Variants in RAB3IP observed in about 807,000 individuals in gnomAD.
RAB3IP encodes the protein RAB3A interacting protein.
In RAB3IP, 36 loss-of-function variants were observed where a neutral mutation model predicts 59.1. The observed-to-expected ratio is 0.61, with a 90% CI of 0.47 to 0.80. RAB3IP has a LOEUF of 0.80. Among genes scored for constraint, RAB3IP ranks in the 30% least tolerant of loss-of-function variants. RAB3IP has a pLI of 0.00. For synonymous variants in RAB3IP, 207 were observed against 191.2 expected (o/e 1.08, Z -0.68); for missense variants, 511 against 536.0 (o/e 0.95, Z 0.46).
rs1881450764 is a variant in RAB3IP at position 69,819,227 on chromosome 12, A to C, written c.*3781A>C. 1 of 152,210 alleles carries C rather than the reference A, an allele frequency of 6.6e-6. No individual in the cohort carries two copies. The highest frequency in any genetic ancestry group is 6.5e-5 in the Admixed American group (1 of 15,282). The allele number at this position is 152,210 out of a possible 1,614,324, so 9.4% of individuals were successfully genotyped here. ...CCAAAACAAAAAATAAAAGGTAAGA[A>C]AATTGTTGAATTGCATTTGAGAGAG... On this transcript the variant is annotated 3_prime_UTR_variant, in exon 11 of 11. Transcript: ENST00000247833.
intron 4 of RAB3IP, among the ~76,000 whole-genome samples, chr12:69,785,865 T>C (rs2136207643): frequency 6.6e-6 from 1 of 152,318 alleles, no homozygotes; most frequent in African/African-American, 2.4e-5. Context: ...AGCATACAGA[T>C]ACCCCTGGGG....
At chr12:69,758,799 T>C (rs1222632124) in intron 3 of RAB3IP, among the ~76,000 whole-genome samples, 1 of 150,232 alleles carries the variant, frequency 6.7e-6, no homozygotes, top group East Asian at 1.9e-4. Flanking sequence ...TTACTTTTAT[T>C]TTTGAATGAT....
At chr12:69,769,399 G>A (rs1872743513) in intron 3 of RAB3IP, among the ~76,000 whole-genome samples, 1 of 152,158 alleles carries the variant, frequency 6.6e-6, no homozygotes, top group African/African-American at 2.4e-5. Context: ...AGCCAGGATA[G>A]GGAACCCCAG....
chr12:69,779,379 G>C lies in RAB3IP; in HGVS notation c.511-5341G>C, dbSNP rs535569092. Among the ~76,000 whole-genome samples, 13 of 151,324 alleles carry C rather than the reference G, an allele frequency of 8.6e-5. No individual in the cohort carries two copies. The South Asian group carries it at 2.5e-3, about 29-fold the overall frequency. On this transcript the variant is annotated intron_variant, in intron 3 of 10. Transcript: ENST00000247833. Reference sequence around the variant, plus strand: ...AATGCAGAAATCACCCGTCTTCTGCGTCGCTCACGCTGGTAGCTGTAGACC... The same window carrying C: ...AATGCAGAAATCACCCGTCTTCTGCCTCGCTCACGCTGGTAGCTGTAGACC...
chr12:69,805,169 C>T (rs1015205060), intron 8 of RAB3IP, among the ~76,000 whole-genome samples: 4 of 152,160 alleles, frequency 2.6e-5, no homozygotes, highest in African/African-American at 9.7e-5. Flanking sequence ...TCTTTTATTT[C>T]ATTGAGCAGT....
chr12:69,763,780 C>T (rs1161655195), intron 3 of RAB3IP, among the ~76,000 whole-genome samples: 2 of 152,052 alleles, frequency 1.3e-5, no homozygotes, highest in East Asian at 1.9e-4. Context: ...GTCTAGTAGT[C>T]CCCAGTTTCT....
chr12:69,790,641 AT>A (rs1185529002), intron 4 of RAB3IP, among the ~76,000 whole-genome samples: 1 of 151,922 alleles, frequency 6.6e-6, no homozygotes, highest in Non-Finnish European at 1.5e-5. Flanking sequence ...CTGGAGTGCA[AT>A]GGTGCGATCT....
At chr12:69,797,477 C>CTTTTTTTTTTTTTTTTTT in intron 6 of RAB3IP, among the ~76,000 whole-genome samples, 4 of 54,952 alleles carry the variant, frequency 7.3e-5, no homozygotes, top group African/African-American at 3.6e-4. Context: ...TCTTTTCTTT[C>CTTTTTTTTTTTTTTTTTT]TTTTTTTTTT....
intron 8 of RAB3IP, among the ~76,000 whole-genome samples, chr12:69,806,247 T>G (rs528689138): frequency 4.2e-4 from 64 of 152,328 alleles, no homozygotes; most frequent in African/African-American, 1.2e-3. Context: ...GTCGAGGAAT[T>G]TATCCATTTC....
At chr12:69,747,325 TGTGTGTGA>T (rs68107805) in intron 1 of RAB3IP, among the ~76,000 whole-genome samples, 27,375 of 145,986 alleles carry the variant, frequency 0.19, 2,988 homozygotes, top group Middle Eastern at 0.29. Context: ...TGTGTGTGTG[TGTGTGTGA>T]GAGAGAGAGA....
intron 3 of RAB3IP, among the ~76,000 whole-genome samples, chr12:69,782,259 G>A (rs1469279994): frequency 1.3e-5 from 2 of 152,142 alleles, no homozygotes; most frequent in African/African-American, 4.8e-5. Flanking sequence ...CCACCTCCCG[G>A]GTTCAAGTGA....
chr12:69,746,080 A>G (rs1055044868), intron 1 of RAB3IP, among the ~76,000 whole-genome samples: 3 of 152,188 alleles, frequency 2.0e-5, no homozygotes, highest in South Asian at 2.1e-4. Context: ...CCATACGTAT[A>G]TATGCCTCCA....
Position 69,813,147 on chromosome 12 carries a change from G to A in RAB3IP, c.1300+114G>A, listed in dbSNP as rs552421197. The A allele has an allele frequency of 1.2e-4, 86 of 713,320 alleles. No homozygotes were observed. The African/African-American group carries it at 1.5e-3, about 12-fold the overall frequency. The allele number at this position is 713,320 out of a possible 1,614,324, so 44.2% of individuals were successfully genotyped here. On this transcript the variant is annotated intron_variant, in intron 10 of 10. Coordinates refer to ENST00000247833, the MANE Select transcript of RAB3IP (RefSeq NM_022456.5). ...AATGCTCATATCAGCTTTATTGTTG[G>A]TACATTTATATTGAATCCCTTCTAT... is the stretch of plus-strand genomic sequence containing the variant.
chr12:69,769,871 A>C (rs1057390046), intron 3 of RAB3IP, among the ~76,000 whole-genome samples: 1 of 152,214 alleles, frequency 6.6e-6, no homozygotes, highest in Non-Finnish European at 1.5e-5. Context: ...GCTAGACATT[A>C]ATCATGACAT....
At chr12:69,806,791 A>G (rs1185265520) in intron 8 of RAB3IP, among the ~76,000 whole-genome samples, 1 of 152,062 alleles carries the variant, frequency 6.6e-6, no homozygotes, top group Non-Finnish European at 1.5e-5. Flanking sequence ...CTTAATGAGC[A>G]TGCAGCCTTT....
rs961664590 is a variant in RAB3IP at position 69,820,675 on chromosome 12, A to G, written c.*5229A>G. 4 of 151,994 alleles carry G rather than the reference A, an allele frequency of 2.6e-5. No homozygotes were observed. Among genetic ancestry groups the G allele is most frequent in the Non-Finnish European group, 5.9e-5 (4 of 68,064 alleles). The allele number at this position is 151,994 out of a possible 1,614,324, so 9.4% of individuals were successfully genotyped here. A position where few individuals can be genotyped will look rare whatever the true frequency, so the allele number is the denominator to read the frequency against. Reference sequence around the variant, plus strand: ...GTAGTTCGAGACCTGCTTGGCCAACATGGAGAAACCCTGTCTCTACTAAAA... The same window carrying G: ...GTAGTTCGAGACCTGCTTGGCCAACGTGGAGAAACCCTGTCTCTACTAAAA... On this transcript the variant is annotated 3_prime_UTR_variant, in exon 11 of 11. Transcript: ENST00000247833.
In RAB3IP at chr12:69,820,749, T is replaced by A. The variant is rs1881632177; in HGVS notation, c.*5303T>A. The A allele has an allele frequency of 6.6e-6, 1 of 150,802 alleles. No homozygotes were observed. The highest frequency in any genetic ancestry group is 2.4e-5 in the African/African-American group (1 of 40,978). The allele number at this position is 150,802 out of a possible 1,614,324, so 9.3% of individuals were successfully genotyped here. On this transcript the variant is annotated 3_prime_UTR_variant, in exon 11 of 11. Coordinates refer to ENST00000247833, the MANE Select transcript of RAB3IP (RefSeq NM_022456.5). Reference sequence around the variant, plus strand: ...GGCGCATGCCTGTAATCCCAGCTACTTGGGAGGCTGAGTCAGGAGAAACGC... The same window carrying A: ...GGCGCATGCCTGTAATCCCAGCTACATGGGAGGCTGAGTCAGGAGAAACGC...
At chr12:69,765,893 G>C (rs556981783) in intron 3 of RAB3IP, among the ~76,000 whole-genome samples, 5 of 152,252 alleles carry the variant, frequency 3.3e-5, no homozygotes, top group African/African-American at 1.2e-4. Context: ...TTTCTCCTTT[G>C]CTTATGAAGC....
intron 3 of RAB3IP, among the ~76,000 whole-genome samples, chr12:69,769,465 A>G (rs894317634): frequency 3.9e-5 from 6 of 152,214 alleles, no homozygotes; most frequent in East Asian, 3.9e-4. Context: ...CTGGGACTTC[A>G]CTCACTTTTA....
Sources: allele counts gnomAD v4.1 joint callset (sites outside exome capture counted in the v4.1 genomes callset), GRCh38; gene constraint gnomAD v4.1.1; transcripts MANE v1.5; gene names NCBI Gene and HGNC (gene_info 2026-07-23, HGNC 2026-07-21).